LNX1: variants seen among roughly 807,000 people sequenced by gnomAD.
The protein encoded by LNX1 is E3 ubiquitin-protein ligase LNX.
Under a neutral mutation model 68.4 loss-of-function variants are expected in LNX1, and 54 were observed. That is an observed-to-expected ratio of 0.79 (90% CI 0.63 to 0.99). The LOEUF is 0.99. Ranked by LOEUF, LNX1 falls within the 50% of genes least tolerant of loss-of-function variation. The pLI, the probability that LNX1 is intolerant of heterozygous loss-of-function variation, is 0.00. For synonymous variants in LNX1, 336 were observed against 350.0 expected (o/e 0.96, Z 0.45); for missense variants, 906 against 926.4 (o/e 0.98, Z 0.29).
At chr4:53,637,558 T>G (rs780039672) in intron 1 of LNX1, among the ~76,000 whole-genome samples, 2 of 152,186 alleles carry the variant, frequency 1.3e-5, no homozygotes, top group African/African-American at 2.4e-5. Flanking sequence ...GTAGCATTGC[T>G]CAATCCCCAC....
At chr4:53,620,017 G>A (rs1226551885), upstream of LNX1, among the ~76,000 whole-genome samples, 2 of 152,186 alleles carry the variant, frequency 1.3e-5, no homozygotes, top group Admixed American at 6.5e-5. Flanking sequence ...AAAAGATTAA[G>A]GGTTAAACTC....
chr4:53,485,212 C>T (rs929271241), intron 6 of LNX1, among the ~76,000 whole-genome samples: 2 of 152,172 alleles, frequency 1.3e-5, no homozygotes, highest in African/African-American at 2.4e-5. Flanking sequence ...AAGTGGTGAA[C>T]ATTCAGGTCA....
intron 2 of LNX1, among the ~76,000 whole-genome samples, chr4:53,560,543 GA>G (rs1160428726): frequency 1.3e-5 from 2 of 152,158 alleles, no homozygotes; most frequent in African/African-American, 4.8e-5. Context: ...AGTGACTAAT[GA>G]GGTATGAGTA....
upstream of LNX1, among the ~76,000 whole-genome samples, chr4:53,592,176 T>C (rs1019459429): frequency 2.0e-5 from 3 of 151,596 alleles, no homozygotes; most frequent in African/African-American, 7.3e-5. Context: ...GTTAGAGTCA[T>C]ACGGCAGTTA....
intron 2 of LNX1, among the ~76,000 whole-genome samples, chr4:53,609,770 AT>A (rs2109846360): frequency 7.0e-6 from 1 of 142,430 alleles, no homozygotes; most frequent in Non-Finnish European, 1.5e-5. Flanking sequence ...ACTATTATAT[AT>A]TATATATAAT....
intron 2 of LNX1, among the ~76,000 whole-genome samples, chr4:53,606,340 G>A (rs1230605773): frequency 2.0e-5 from 3 of 152,082 alleles, no homozygotes; most frequent in African/African-American, 7.2e-5. Flanking sequence ...TAGAGGAAAT[G>A]GCTAGATCCC....
At chr4:53,598,051 A>G (rs1239163359) in intron 2 of LNX1, among the ~76,000 whole-genome samples, 1 of 152,186 alleles carries the variant, frequency 6.6e-6, no homozygotes, top group Non-Finnish European at 1.5e-5. Flanking sequence ...TAACTTGTCC[A>G]ACATGCCTGG....
chr4:53,477,869 C>A (rs150177369), intron 8 of LNX1, among the ~76,000 whole-genome samples: 19 of 152,260 alleles, frequency 1.2e-4, no homozygotes, highest in African/African-American at 4.6e-4. Context: ...AAGATACCAT[C>A]CCCCTGTGGC....
intron 1 of LNX1, among the ~76,000 whole-genome samples, chr4:53,647,739 G>A (rs1210545850): frequency 5.9e-5 from 9 of 152,102 alleles, no homozygotes; most frequent in Non-Finnish European, 8.8e-5. Flanking sequence ...ACTGAAACTC[G>A]TCACCCATTA....
intron 2 of LNX1, among the ~76,000 whole-genome samples, chr4:53,546,928 T>C (rs1385686599): frequency 6.6e-6 from 1 of 152,196 alleles, no homozygotes; most frequent in East Asian, 1.9e-4. Flanking sequence ...GACAAGTAGC[T>C]CAGGCCTCTC....
upstream of LNX1, chr4:53,591,498 A>G: frequency 7.1e-6 from 7 of 985,586 alleles, no homozygotes; most frequent in Non-Finnish European, 8.4e-6. Flanking sequence ...ACCAGCCTCA[A>G]CTTCGGTGAA....
intron 1 of LNX1, among the ~76,000 whole-genome samples, chr4:53,634,949 C>T (rs1239036526): frequency 6.6e-6 from 1 of 151,892 alleles, no homozygotes; most frequent in Non-Finnish European, 1.5e-5. Flanking sequence ...CCTCAGCTTC[C>T]CATGTTGCTG....
intron 2 of LNX1, among the ~76,000 whole-genome samples, chr4:53,530,202 G>A (rs913412443): frequency 3.3e-5 from 5 of 152,084 alleles, no homozygotes; most frequent in Admixed American, 6.6e-5. Flanking sequence ...CCAAACATTC[G>A]TTAAGATTAT....
chr4:53,465,909 A>G (rs780862429), intron 9 of LNX1, among the ~76,000 whole-genome samples: 2 of 152,204 alleles, frequency 1.3e-5, no homozygotes, highest in Non-Finnish European at 2.9e-5. Context: ...TTAAAATGCT[A>G]CTTTATTATA....
At chr4:53,581,956 A>G (rs1731864160) in intron 1 of LNX1, among the ~76,000 whole-genome samples, 1 of 152,078 alleles carries the variant, frequency 6.6e-6, no homozygotes, top group Non-Finnish European at 1.5e-5. Context: ...GATTGTTTGC[A>G]TTCATTTTGC....
At chr4:53,574,508 T>A (rs1214341668) in intron 1 of LNX1, among the ~76,000 whole-genome samples, 2 of 152,186 alleles carry the variant, frequency 1.3e-5, no homozygotes, top group Non-Finnish European at 2.9e-5. Flanking sequence ...TTCTTCCCCA[T>A]CTTTCTCCCA....
chr4:53,651,514 AT>A (rs1735098360), intron 1 of LNX1, among the ~76,000 whole-genome samples: 1 of 152,222 alleles, frequency 6.6e-6, no homozygotes, highest in African/African-American at 2.4e-5. Flanking sequence ...GAGAGTTCCA[AT>A]TTCTAAAATT....
chr4:53,500,401 C>A (rs962453598), intron 4 of LNX1: 1 of 152,246 alleles, frequency 6.6e-6, no homozygotes, highest in East Asian at 1.9e-4. Context: ...GGCTGAGATG[C>A]TTCTGTCTTC....
chr4:53,585,182 A>G (rs891060853), intron 1 of LNX1, among the ~76,000 whole-genome samples: 4 of 152,192 alleles, frequency 2.6e-5, no homozygotes, highest in African/African-American at 9.7e-5. Flanking sequence ...AATGCAATCT[A>G]TGATGGTTTT....
Sources: gnomAD v4.1 joint callset for allele counts (sites outside exome capture counted in the v4.1 genomes callset) on GRCh38, gnomAD v4.1.1 for gene constraint, MANE v1.5 for transcripts, NCBI Gene and HGNC (gene_info 2026-07-23, HGNC 2026-07-21) for gene names.